NAALADL2: variants seen among roughly 807,000 people sequenced by gnomAD.
The protein encoded by NAALADL2 is N-acetylated alpha-linked acidic dipeptidase like 2.
Under a neutral mutation model 87.2 loss-of-function variants are expected in NAALADL2, and 76 were observed. That is an observed-to-expected ratio of 0.87 (90% CI 0.72 to 1.05). The LOEUF is 1.05. Ranked by LOEUF, NAALADL2 falls within the 50% of genes least tolerant of loss-of-function variation. The pLI is 0.00. For missense variants in NAALADL2, 1,089 were observed against 945.8 expected (o/e 1.15, Z -1.99); for synonymous variants, 354 against 331.0 (o/e 1.07, Z -0.75).
At chr3:174,860,509 A>C (rs1726360708) in intron 1 of NAALADL2, among the ~76,000 whole-genome samples, 1 of 152,122 alleles carries the variant, frequency 6.6e-6, no homozygotes, top group Non-Finnish European at 1.5e-5. Context: ...AAATGGTATT[A>C]TGTACAAGAT....
rs201860926 is a variant in NAALADL2 at position 175,667,181 on chromosome 3, GAGAAAGAAAGAAAGAA to G, written c.1896+39841_1896+39856del. 5.2e-3 allele frequency among the ~76,000 whole-genome samples: 491 copies of G among 95,216 alleles called. 4 individuals carry two copies. Among genetic ancestry groups the G allele is most frequent in the East Asian group, 0.027 (98 of 3,586 alleles). 62.5% of individuals were successfully genotyped at this position (95,216 alleles called of 152,430 possible). A position where few individuals can be genotyped will look rare whatever the true frequency, so the allele number is the denominator to read the frequency against. On this transcript the variant is annotated intron_variant, in intron 11 of 13. Transcript: ENST00000454872. Reference sequence around the variant, plus strand: ...AAAGAAAAAGAAAGAAAGAAAGAAAGAGAAAGAAAGAAAGAAAGAAAGAAAGAAAGAAAGAAAGAAA... The same window carrying G: ...AAAGAAAAAGAAAGAAAGAAAGAAAGAGAAAGAAAGAAAGAAAGAAAGAAA...
intron 1 of NAALADL2, among the ~76,000 whole-genome samples, chr3:174,998,251 T>G (rs1247238779): frequency 5.9e-5 from 9 of 152,232 alleles, no homozygotes; most frequent in Non-Finnish European, 7.3e-5. Context: ...ATTTTACCAT[T>G]AGGGAAACTG....
intron 2 of NAALADL2, among the ~76,000 whole-genome samples, chr3:174,638,519 G>A (rs981213203): frequency 4.6e-5 from 7 of 152,036 alleles, no homozygotes; most frequent in Admixed American, 1.3e-4. Context: ...ACAGCCTTTT[G>A]CACATAGAAA....
At chr3:174,498,159 CAAG>C (rs1718660171) in intron 1 of NAALADL2, among the ~76,000 whole-genome samples, 1 of 152,104 alleles carries the variant, frequency 6.6e-6, no homozygotes, top group Admixed American at 6.6e-5. Context: ...ACCTCATCCC[CAAG>C]AGTTTCCTGA....
intron 1 of NAALADL2, among the ~76,000 whole-genome samples, chr3:174,469,058 C>T (rs951589042): frequency 6.6e-6 from 1 of 151,714 alleles, no homozygotes; most frequent in Admixed American, 6.6e-5. Context: ...CCACCGTGCC[C>T]GGCCTAACTA....
chr3:175,083,739 T>C (rs1473390484), intron 1 of NAALADL2, among the ~76,000 whole-genome samples: 2 of 152,368 alleles, frequency 1.3e-5, no homozygotes, highest in African/African-American at 4.8e-5. Context: ...GAGGTATTAC[T>C]ATCCTATTCT....
chr3:175,178,473 G>A (rs1736000543), intron 2 of NAALADL2, among the ~76,000 whole-genome samples: 3 of 152,006 alleles, frequency 2.0e-5, no homozygotes, highest in Admixed American at 6.6e-5. Flanking sequence ...GTCAAGGGTA[G>A]AATTCCTTGG....
At chr3:175,158,106 G>T (rs1255304577) in intron 2 of NAALADL2, among the ~76,000 whole-genome samples, 1 of 152,004 alleles carries the variant, frequency 6.6e-6, no homozygotes, top group African/African-American at 2.4e-5. Context: ...CATGGAACCA[G>T]AATCTAGGTA....
At chr3:174,845,697 G>A (rs1724545807) in intron 3 of NAALADL2, among the ~76,000 whole-genome samples, 1 of 152,314 alleles carries the variant, frequency 6.6e-6, no homozygotes, top group Admixed American at 6.5e-5. Context: ...GTGGGAACAT[G>A]TGGGCTAGTT....
At chr3:175,137,403 A>C (rs1440021069) in intron 2 of NAALADL2, among the ~76,000 whole-genome samples, 3 of 152,126 alleles carry the variant, frequency 2.0e-5, no homozygotes, top group East Asian at 1.9e-4. Context: ...GTAATTATTT[A>C]TAATGGCTGC....
chr3:175,689,108 A>G (rs1736698004), intron 11 of NAALADL2, among the ~76,000 whole-genome samples: 1 of 152,090 alleles, frequency 6.6e-6, no homozygotes, highest in African/African-American at 2.4e-5. Context: ...AGGTTTTAAT[A>G]TAAGTATATG....
chr3:174,742,492 C>G (rs183573046), intron 3 of NAALADL2, among the ~76,000 whole-genome samples: 12 of 151,750 alleles, frequency 7.9e-5, no homozygotes, highest in Admixed American at 5.9e-4. Context: ...CCAAAAAAGT[C>G]AACCTATAAC....
At chr3:175,020,454 T>C (rs1751427615) in intron 1 of NAALADL2, among the ~76,000 whole-genome samples, 2 of 152,072 alleles carry the variant, frequency 1.3e-5, no homozygotes, top group Non-Finnish European at 2.9e-5. Context: ...GATTCTCTTA[T>C]TATCTCCTAA....
intron 3 of NAALADL2, among the ~76,000 whole-genome samples, chr3:174,780,289 T>C (rs180776472): frequency 1.5e-3 from 234 of 152,292 alleles, no homozygotes; most frequent in African/African-American, 5.3e-3. Context: ...TGTTTGTCTG[T>C]TATTGGTGTA....
At chr3:175,138,494 C>A (rs1254581524) in intron 2 of NAALADL2, among the ~76,000 whole-genome samples, 1 of 151,880 alleles carries the variant, frequency 6.6e-6, no homozygotes, top group East Asian at 1.9e-4. Flanking sequence ...TTTTCCTAAT[C>A]ATTTGTCCCT....
At chr3:175,252,156 C>G (rs1407715942) in intron 3 of NAALADL2, among the ~76,000 whole-genome samples, 1 of 152,082 alleles carries the variant, frequency 6.6e-6, no homozygotes, top group African/African-American at 2.4e-5. Context: ...TGTGTTTCAC[C>G]TTAGGGTGCT....
chr3:175,088,388 G>T (rs559529156), intron 1 of NAALADL2, among the ~76,000 whole-genome samples: 1 of 152,052 alleles, frequency 6.6e-6, no homozygotes, highest in Non-Finnish European at 1.5e-5. Flanking sequence ...TCTTTCCCAC[G>T]ACTTAACCAC....
intron 1 of NAALADL2, among the ~76,000 whole-genome samples, chr3:174,867,768 A>C (rs911640851): frequency 6.6e-6 from 1 of 152,112 alleles, no homozygotes; most frequent in African/African-American, 2.4e-5. Context: ...GCAAATAAAA[A>C]TTGTCTCAAA....
chr3:175,728,034 A>C lies in NAALADL2; in HGVS notation c.1897-9272A>C, dbSNP rs542285835. Among the ~76,000 whole-genome samples, 99 of 152,278 alleles carry C rather than the reference A, an allele frequency of 6.5e-4. No homozygotes were observed. The Middle Eastern group carries it at 0.014, about 21-fold the overall frequency. On this transcript the variant is annotated intron_variant, in intron 11 of 13. Coordinates refer to ENST00000454872, the MANE Select transcript of NAALADL2 (RefSeq NM_207015.3). Reference sequence around the variant, plus strand: ...TTTTGATAGTTGTGGAGGTTGTATAAGTTCTCGCTTTACTAAGACACTTTT... The same window carrying C: ...TTTTGATAGTTGTGGAGGTTGTATACGTTCTCGCTTTACTAAGACACTTTT...
Sources: gnomAD v4.1 joint callset for allele counts (sites outside exome capture counted in the v4.1 genomes callset) on GRCh38, gnomAD v4.1.1 for gene constraint, MANE v1.5 for transcripts, NCBI Gene and HGNC (gene_info 2026-07-23, HGNC 2026-07-21) for gene names.